The following MARCHF5 variants were observed in gnomAD, a reference collection of about 807,000 sequenced individuals.
MARCHF5 encodes the protein E3 ubiquitin-protein ligase MARCHF5.
MARCHF5 carries 5 observed loss-of-function variants against 36.5 expected under a neutral mutation model. That is an observed-to-expected ratio of 0.14 (90% CI 0.07 to 0.29). The LOEUF is 0.29. Among genes scored for constraint, MARCHF5 ranks in the 10% least tolerant of loss-of-function variants. MARCHF5 has a pLI of 1.00. For missense variants in MARCHF5, 179 were observed against 336.3 expected (o/e 0.53, Z 3.66); for synonymous variants, 103 against 109.9 (o/e 0.94, Z 0.39).
intron 2 of MARCHF5, among the ~76,000 whole-genome samples, chr10:92,325,518 G>A (rs1366938984): frequency 6.6e-6 from 1 of 152,118 alleles, no homozygotes; most frequent in Non-Finnish European, 1.5e-5. Flanking sequence ...CTGATGGATT[G>A]TCCCTTTACC....
At chr10:92,351,048 C>G (rs371673717) in intron 5 of MARCHF5, 43 bp from the exon 6 acceptor site, 153 of 1,083,070 alleles carry the variant, frequency 1.4e-4, no homozygotes, top group Non-Finnish European at 1.7e-4. Context: ...CTCTGTTTCT[C>G]TAAATCTGCA....
intron 2 of MARCHF5, among the ~76,000 whole-genome samples, chr10:92,320,687 G>T (rs142518037): frequency 6.6e-6 from 1 of 151,820 alleles, no homozygotes; most frequent in Admixed American, 6.6e-5. Flanking sequence ...AAAATTTTTC[G>T]CACAACTGTA....
At chr10:92,350,942 T>C in intron 5 of MARCHF5, 149 bp from the exon 6 acceptor site, 1 of 600,752 alleles carries the variant, frequency 1.7e-6, no homozygotes, top group Non-Finnish European at 3.0e-6. Flanking sequence ...TCTCATCTCC[T>C]AGTAGAAAAA....
chr10:92,350,923 C>T (rs557257824), intron 5 of MARCHF5, among the ~76,000 whole-genome samples, 168 bp from the exon 6 acceptor site: 1 of 152,158 alleles, frequency 6.6e-6, no homozygotes, highest in African/African-American at 2.4e-5. Flanking sequence ...TAGTCTGTCT[C>T]TCTCCCTATC....
intron 2 of MARCHF5, among the ~76,000 whole-genome samples, chr10:92,321,853 C>G (rs1159782299): frequency 6.6e-6 from 1 of 151,704 alleles, no homozygotes; most frequent in Admixed American, 6.6e-5. Context: ...TTTAATAATC[C>G]TTTTCATTTC....
At chr10:92,335,598 A>C (rs1403302033) in intron 2 of MARCHF5, among the ~76,000 whole-genome samples, 3 of 152,210 alleles carry the variant, frequency 2.0e-5, no homozygotes, top group African/African-American at 4.8e-5. Context: ...GGTGCTATAA[A>C]ATGCAACCTT....
intron 1 of MARCHF5, among the ~76,000 whole-genome samples, chr10:92,301,126 G>A (rs745595784): frequency 3.0e-4 from 45 of 151,908 alleles, no homozygotes; most frequent in Admixed American, 2.0e-3. Flanking sequence ...GTCTCAAGCA[G>A]TCCTCCCCAC....
chr10:92,346,044 G>A (rs1843640156), intron 3 of MARCHF5, among the ~76,000 whole-genome samples: 1 of 152,006 alleles, frequency 6.6e-6, no homozygotes, highest in Non-Finnish European at 1.5e-5. Context: ...TATAATTCCT[G>A]GAGCTTACCC....
At chr10:92,291,912 G>T (rs1257435831) in intron 1 of MARCHF5, among the ~76,000 whole-genome samples, 1 of 151,546 alleles carries the variant, frequency 6.6e-6, no homozygotes, top group African/African-American at 2.4e-5. Flanking sequence ...TCAGGGGAAT[G>T]ACCCCCTTAT....
At position 92,303,182 on chromosome 10, in the gene MARCHF5, T is replaced by TG. The variant is rs566679199; in HGVS notation, c.36-7952dup. 1.6e-3 allele frequency among the ~76,000 whole-genome samples: 237 copies of TG among 152,310 alleles called. 1 individual carries two copies. The highest frequency in any genetic ancestry group is 2.8e-3 in the Non-Finnish European group (191 of 68,022). ...CTACATACTTTAAAAATAATTAACC[T>TG]GTTTGATCAGATAGACTGTAAATTA... On this transcript the variant is annotated intron_variant, in intron 1 of 5. Transcript: ENST00000358935.
chr10:92,334,437 C>T (rs1041895953), intron 2 of MARCHF5: 2 of 152,360 alleles, frequency 1.3e-5, no homozygotes, highest in Non-Finnish European at 2.9e-5. Context: ...AACTTTCGCA[C>T]AACAAAGTAT....
At chr10:92,320,352 C>T (rs1373369969) in intron 2 of MARCHF5, among the ~76,000 whole-genome samples, 1 of 152,040 alleles carries the variant, frequency 6.6e-6, no homozygotes, top group Non-Finnish European at 1.5e-5. Flanking sequence ...CCACCATACC[C>T]AACCACTTGT....
In MARCHF5 at chr10:92,322,614, AT is replaced by A. The variant is rs763623132; in HGVS notation, c.238+11292del. ...ATCACCATACCCAGCTAGTTTTTGT[AT>A]TTTTTTTTTTTTTTATAGTGACAGG... On this transcript the variant is annotated intron_variant, in intron 2 of 5. Transcript: ENST00000358935. Among the ~76,000 whole-genome samples, 734 of 119,018 alleles carry A rather than the reference AT, an allele frequency of 6.2e-3. 2 individuals carry two copies. Among genetic ancestry groups the A allele is most frequent in the Admixed American group, 5.9e-3 (70 of 11,922 alleles). 78.1% of individuals were successfully genotyped at this position (119,018 alleles called of 152,430 possible). A position where few individuals can be genotyped will look rare whatever the true frequency, so the allele number is the denominator to read the frequency against.
chr10:92,339,961 A>G (rs1843558086), intron 2 of MARCHF5, among the ~76,000 whole-genome samples: 2 of 152,244 alleles, frequency 1.3e-5, no homozygotes, highest in South Asian at 4.1e-4. Flanking sequence ...TTAGAGAATA[A>G]TATTCAATTA....
At chr10:92,336,967 A>G (rs1487840753) in intron 2 of MARCHF5, among the ~76,000 whole-genome samples, 1 of 152,066 alleles carries the variant, frequency 6.6e-6, no homozygotes, top group Non-Finnish European at 1.5e-5. Context: ...TGCAAAAAAT[A>G]CAAAGGTTAG....
intron 1 of MARCHF5, among the ~76,000 whole-genome samples, chr10:92,294,377 A>T (rs1398164773): frequency 6.6e-6 from 1 of 152,204 alleles, no homozygotes; most frequent in African/African-American, 2.4e-5. Flanking sequence ...ACTCTATGTT[A>T]GCCAAATAGA....
chr10:92,319,540 T>C (rs540704783), intron 2 of MARCHF5, among the ~76,000 whole-genome samples: 2 of 151,860 alleles, frequency 1.3e-5, no homozygotes, highest in South Asian at 2.1e-4. Context: ...GTGATCTGCC[T>C]GTCTCGGCCT....
At chr10:92,345,783 TC>T (rs1200538396) in intron 3 of MARCHF5, among the ~76,000 whole-genome samples, 1 of 146,178 alleles carries the variant, frequency 6.8e-6, no homozygotes, top group Non-Finnish European at 1.5e-5. Context: ...ATCCTCGAAC[TC>T]CCTGGGCTCA....
rs1590661872 is a variant in MARCHF5, at chr10:92,331,669, T to C, written c.239-9004T>C. 2.0e-5 allele frequency among the ~76,000 whole-genome samples: 3 copies of C among 151,792 alleles called. No homozygotes were observed. The East Asian group carries it at 5.8e-4, about 29-fold the overall frequency. On this transcript the variant is annotated intron_variant, in intron 2 of 5. Coordinates refer to ENST00000358935, the MANE Select transcript of MARCHF5 (RefSeq NM_017824.5). ...CTTAATAAGTACTTAGTAGTTGACC[T>C]TACAGCTCACAAGTATTCTGTAGCC...
Sources: gnomAD v4.1 joint callset for allele counts (sites outside exome capture counted in the v4.1 genomes callset) on GRCh38, gnomAD v4.1.1 for gene constraint, MANE v1.5 for transcripts, NCBI Gene and HGNC (gene_info 2026-07-23, HGNC 2026-07-21) for gene names.